KATNIP: variants seen among roughly 807,000 people sequenced by gnomAD.
The protein encoded by KATNIP is katanin interacting protein.
KATNIP carries 126 observed loss-of-function variants against 174.0 expected under a neutral mutation model. The ratio of observed to expected loss-of-function variants is 0.72; its 90% CI spans 0.63 to 0.84. The LOEUF (loss-of-function observed/expected upper bound fraction) is 0.84. Ranked by LOEUF, KATNIP falls within the 40% of genes least tolerant of loss-of-function variation. KATNIP has a pLI of 0.00. For synonymous variants in KATNIP, 810 were observed against 835.7 expected (o/e 0.97, Z 0.53); for missense variants, 1,958 against 2,109.7 (o/e 0.93, Z 1.41).
Position 27,777,714 on chromosome 16 carries a change from C to T in KATNIP, c.4656C>T (p.Thr1552=). The T allele has an allele frequency of 6.2e-7, 1 of 1,614,156 alleles. No individual in the cohort carries two copies. Among genetic ancestry groups the T allele is most frequent in the East Asian group, 2.2e-5 (1 of 44,870 alleles). ...GTGAGCCCACCGTGCCCTACCACAC[C>T]ATCCTCTTCACCGAGGACAGGGACA... The part of the protein sequence containing the change: ...PTCEPTVPYH[T]ILFTEDRDIR... The change falls in exon 26 of 28, where the codon ACC becomes ACT. Residue 1552 remains threonine, a synonymous_variant. Coordinates refer to ENST00000261588, the MANE Select transcript of KATNIP (RefSeq NM_015202.5). The surrounding 1 kb of genome is among the most constrained non-coding windows in gnomAD (Gnocchi z 4.4).
intron 7 of KATNIP, chr16:27,678,941 T>TG (rs1820666273): frequency 6.6e-6 from 1 of 152,348 alleles, no homozygotes; most frequent in Non-Finnish European, 1.5e-5. Context: ...GAGGCCTACT[T>TG]GCAACAGTCT....
intron 2 of KATNIP, among the ~76,000 whole-genome samples, chr16:27,589,786 T>G (rs1012836708): frequency 2.6e-5 from 4 of 151,976 alleles, no homozygotes; most frequent in African/African-American, 9.7e-5. Flanking sequence ...TTTATTTTAT[T>G]TTATTTTATT....
At chr16:27,774,918 G>A (rs1177620942) in intron 23 of KATNIP, 27 bp from the exon 24 acceptor site, 2 of 1,613,488 alleles carry the variant, frequency 1.2e-6, no homozygotes, top group Non-Finnish European at 8.5e-7. Flanking sequence ...ACAGATTTGG[G>A]TTATGGCAAC....
chr16:27,631,251 C>G lies in KATNIP; in HGVS notation c.408+89C>G. 4.8e-6 allele frequency: 5 copies of G among 1,039,632 alleles called. No individual in the cohort carries two copies. In the East Asian group the frequency reaches 7.8e-5, roughly 16 times the overall value. 64.4% of individuals were successfully genotyped at this position (1,039,632 alleles called of 1,614,324 possible). A position where few individuals can be genotyped will look rare whatever the true frequency, so the allele number is the denominator to read the frequency against. On this transcript the variant is annotated intron_variant, in intron 5 of 27. Coordinates refer to ENST00000261588, the MANE Select transcript of KATNIP (RefSeq NM_015202.5). ...AAATACAATCAGAGCATTTAAAACC[C>G]CCATGGGCCAGGCACAGTGGCTCCT...
rs996114928 is a variant in KATNIP, at chr16:27,740,363, A to G, written c.2066A>G (p.Lys689Arg). 25 of 1,614,044 alleles carry G rather than the reference A, an allele frequency of 1.5e-5. No homozygotes were observed. The highest frequency in any genetic ancestry group is 2.0e-5 in the Non-Finnish European group (24 of 1,179,990). ...AGAAAGAATTCTACTAATTGCAGGA[A>G]AGACAGTTTGTCCCAGTTAGAGGAA... The part of the protein sequence containing the change: ...GKRKNSTNCR[K>R]DSLSQLEEYL... The change falls in exon 15 of 28, where the codon AAA (lysine) becomes AGA (arginine). Residue 689 changes from lysine to arginine, a missense_variant. Physicochemically the swap from Lys to Arg is conservative, Grantham distance 26. Transcript: ENST00000261588.
At chr16:27,690,182 G>C (rs1231998158) in intron 8 of KATNIP, among the ~76,000 whole-genome samples, 1 of 151,990 alleles carries the variant, frequency 6.6e-6, no homozygotes, top group African/African-American at 2.4e-5. Flanking sequence ...GGGTGATGTG[G>C]TGCATGCCTG....
At chr16:27,552,738 A>G (rs911314119) in intron 1 of KATNIP, among the ~76,000 whole-genome samples, 1 of 118,310 alleles carries the variant, frequency 8.5e-6, no homozygotes, top group Non-Finnish European at 1.6e-5. Context: ...GTCGTTGCCC[A>G]GGCTGGAGTG....
At chr16:27,617,351 T>C (rs973152212) in intron 2 of KATNIP, among the ~76,000 whole-genome samples, 2 of 152,204 alleles carry the variant, frequency 1.3e-5, no homozygotes, top group Admixed American at 6.5e-5. Flanking sequence ...CTGCTTCTCA[T>C]TGGCACAGCA....
chr16:27,644,845 G>A (rs979175789), intron 5 of KATNIP, among the ~76,000 whole-genome samples: 2 of 152,102 alleles, frequency 1.3e-5, no homozygotes, highest in Admixed American at 1.3e-4. Context: ...GTGAGTCTTG[G>A]AGTTCATGCA....
chr16:27,560,832 C>A (rs1488822830), intron 1 of KATNIP, among the ~76,000 whole-genome samples: 1 of 152,166 alleles, frequency 6.6e-6, no homozygotes, highest in Non-Finnish European at 1.5e-5. Flanking sequence ...GGCACAAGGA[C>A]TGGCACAGGC....
At chr16:27,558,151 G>GT (rs1301592823) in intron 1 of KATNIP, among the ~76,000 whole-genome samples, 2 of 151,930 alleles carry the variant, frequency 1.3e-5, no homozygotes, top group African/African-American at 4.8e-5. Context: ...CTTTTTGTTT[G>GT]TTTTTTTGTT....
chr16:27,609,362 A>G (rs2075815383), intron 2 of KATNIP, among the ~76,000 whole-genome samples: 1 of 138,418 alleles, frequency 7.2e-6, no homozygotes, highest in Non-Finnish European at 1.5e-5. Context: ...CTGAGAAGGG[A>G]ATATCTGAGT....
intron 1 of KATNIP, among the ~76,000 whole-genome samples, chr16:27,571,487 C>T (rs947047020): frequency 4.0e-5 from 6 of 151,896 alleles, no homozygotes; most frequent in Admixed American, 3.3e-4. Flanking sequence ...GACCTAATGA[C>T]TTATCCAAGG....
At chr16:27,678,524 T>C (rs2078208614) in intron 7 of KATNIP, among the ~76,000 whole-genome samples, 1 of 152,152 alleles carries the variant, frequency 6.6e-6, no homozygotes, top group African/African-American at 2.4e-5. Flanking sequence ...CCATTCTTAG[T>C]AGACTATCCA....
intron 20 of KATNIP, among the ~76,000 whole-genome samples, chr16:27,767,098 A>G (rs1897251799): frequency 6.6e-6 from 1 of 152,146 alleles, no homozygotes; most frequent in African/African-American, 2.4e-5. Context: ...TTCTGGCCTC[A>G]GGTGACTGAA....
rs1331391487 is a variant in KATNIP at position 27,677,893 on chromosome 16, C to T, written c.705C>T (p.Gly235=). 1.1e-5 allele frequency: 18 copies of T among 1,614,076 alleles called. No homozygotes were observed. In the African/African-American group the frequency reaches 1.2e-4, roughly 11 times the overall value. The part of the protein sequence containing the change: ...HPRHDRPPSS[G]DWTQKDVHGE... The stretch of plus-strand genomic sequence containing the variant: ...GACATGACCGCCCTCCTTCCAGTGG[C>T]GACTGGACTCAGAAAGATGTTCACG... Residue 235 remains glycine, a synonymous_variant, in exon 7 of 28, where the codon GGC becomes GGT. Transcript: ENST00000261588.
intron 15 of KATNIP, among the ~76,000 whole-genome samples, chr16:27,742,309 A>G (rs2081139269): frequency 6.6e-6 from 1 of 152,178 alleles, no homozygotes; most frequent in East Asian, 1.9e-4. Flanking sequence ...TCATCTGTAA[A>G]ATGGTTATGA....
In KATNIP at chr16:27,740,423, G is replaced by A. The variant is rs773769408; in HGVS notation, c.2126G>A (p.Gly709Asp). ...LRLSAVPTSM[G>D]DMPSAPATSP... ...CTGTCGGCAGTCCCCACTTCGATGGGTGACATGCCCAGTGCTCCTGCCACT... is the reference window on the plus strand; with the variant it reads ...CTGTCGGCAGTCCCCACTTCGATGGATGACATGCCCAGTGCTCCTGCCACT... The change falls in exon 15 of 28, where the codon GGT becomes GAT. Residue 709 changes from glycine (G) to aspartate (D), a missense_variant. Physicochemically the swap from Gly to Asp is moderately conservative, Grantham distance 94 (BLOSUM62 -1). This residue lies in a region of KATNIP where 1,557 missense variants were observed against 1,617.8 expected (regional missense o/e 0.96). Coordinates refer to ENST00000261588, the MANE Select transcript of KATNIP (RefSeq NM_015202.5). The A allele has an allele frequency of 1.5e-5, 25 of 1,613,874 alleles. No homozygotes were observed. The highest frequency in any genetic ancestry group is 2.7e-5 in the African/African-American group (2 of 74,938).
chr16:27,774,857 A>C, intron 23 of KATNIP, 88 bp from the exon 24 acceptor site: 1 of 1,500,410 alleles, frequency 6.7e-7, no homozygotes, highest in Non-Finnish European at 9.2e-7. Flanking sequence ...CCAGCCCCAG[A>C]GTCCCCCGAG....
Sources: gnomAD v4.1 joint callset for allele counts (sites outside exome capture counted in the v4.1 genomes callset) on GRCh38, gnomAD v4.1.1 for gene constraint, gnomAD v4.1.1 regional missense constraint, Gnocchi (gnomAD v3.1) non-coding constraint, MANE v1.5 for transcripts, NCBI Gene and HGNC (gene_info 2026-07-23, HGNC 2026-07-21) for gene names.